UNC5B: variants seen among roughly 807,000 people sequenced by gnomAD.
The protein encoded by UNC5B is unc-5 netrin receptor B, also known as netrin receptor UNC5B.
Under a neutral mutation model 103.7 loss-of-function variants are expected in UNC5B, and 56 were observed. The ratio of observed to expected loss-of-function variants is 0.54; its 90% CI spans 0.44 to 0.67. The LOEUF (loss-of-function observed/expected upper bound fraction) is 0.67, where lower values mean the gene tolerates loss of function less well. UNC5B is among the 30% of genes least tolerant of loss of function. The pLI, the probability that UNC5B is intolerant of heterozygous loss-of-function variation, is 0.00. For missense variants in UNC5B, 1,194 were observed against 1,284.5 expected (o/e 0.93, Z 1.08); for synonymous variants, 577 against 542.0 (o/e 1.06, Z -0.90).
At chr10:71,286,365 A>C (rs773921585) in intron 4 of UNC5B, among the ~76,000 whole-genome samples, 1 of 152,192 alleles carries the variant, frequency 6.6e-6, no homozygotes, top group Non-Finnish European at 1.5e-5. Flanking sequence ...GTTTAACTCA[A>C]CTTCCTCTGA....
At position 71,213,207 on chromosome 10, in the gene UNC5B, C is replaced by T; in HGVS notation, c.79+143C>T. On this transcript the variant is annotated intron_variant, in intron 1 of 16. Coordinates refer to ENST00000335350, the MANE Select transcript of UNC5B (RefSeq NM_170744.5). The surrounding 1 kb of genome is among the most constrained non-coding windows in gnomAD (Gnocchi z 4.1). ...CCAAGTTAGAATGTAGATTTTACTG[C>T]CTCCCAAAGTGGGCAATGGCGCATC... 1 of 630,650 alleles carries T rather than the reference C, an allele frequency of 1.6e-6. No homozygotes were observed. Among genetic ancestry groups the T allele is most frequent in the Non-Finnish European group, 2.3e-6 (1 of 437,344 alleles). The allele number at this position is 630,650 out of a possible 1,614,324, so 39.1% of individuals were successfully genotyped here. A position where few individuals can be genotyped will look rare whatever the true frequency, so the allele number is the denominator to read the frequency against.
intron 3 of UNC5B, 104 bp downstream of exon 3, chr10:71,284,967 G>T: frequency 6.8e-7 from 1 of 1,475,210 alleles, no homozygotes; most frequent in Admixed American, 2.2e-5. Context: ...CAGCATCCCT[G>T]GCTGAGGATG....
intron 1 of UNC5B, among the ~76,000 whole-genome samples, chr10:71,226,098 T>C (rs760086320): frequency 5.5e-4 from 84 of 152,328 alleles, no homozygotes; most frequent in Non-Finnish European, 1.0e-3. Context: ...TTTTTGAGAC[T>C]GAGTCTTGCT....
At chr10:71,224,391 A>ACG (rs1843519230) in intron 1 of UNC5B, among the ~76,000 whole-genome samples, 1 of 151,938 alleles carries the variant, frequency 6.6e-6, no homozygotes, top group African/African-American at 2.4e-5. Context: ...ACACACACAC[A>ACG]CACACACACA....
chr10:71,225,262 A>G (rs1291884656), intron 1 of UNC5B, among the ~76,000 whole-genome samples: 1 of 107,364 alleles, frequency 9.3e-6, no homozygotes, highest in Non-Finnish European at 2.0e-5. Context: ...CTGTTCTCCA[A>G]ACCCACGGGG....
intron 1 of UNC5B, among the ~76,000 whole-genome samples, chr10:71,261,274 G>T (rs1191559887): frequency 6.6e-6 from 1 of 152,184 alleles, no homozygotes; most frequent in Non-Finnish European, 1.5e-5. Context: ...CACTTGATTG[G>T]TTGTGGCTGA....
chr10:71,293,483 C>G lies in UNC5B; in HGVS notation c.1851C>G (p.Pro617=). The G allele has an allele frequency of 6.2e-7, 1 of 1,614,102 alleles. No individual in the cohort carries two copies. Among genetic ancestry groups the G allele is most frequent in the Non-Finnish European group, 8.5e-7 (1 of 1,180,026 alleles). The change falls in exon 12 of 17, where the codon CCC becomes CCG. Residue 617 remains proline (P), a synonymous_variant. Coordinates refer to ENST00000335350, the MANE Select transcript of UNC5B (RefSeq NM_170744.5). ...CGPTGLLLCR[P]VILTMPHCAE... is the part of the protein sequence containing the mutation. ...CCACAGGCCTCCTGCTGTGCCGCCC[C>G]GTCATCCTCACCATGCCCCACTGTG...
intron 1 of UNC5B, among the ~76,000 whole-genome samples, chr10:71,256,411 C>A (rs1037425806): frequency 6.6e-6 from 1 of 152,240 alleles, no homozygotes; most frequent in Non-Finnish European, 1.5e-5. Context: ...CCTGCCTGGG[C>A]CCAGTGTACT....
chr10:71,291,766 C>G lies in UNC5B; in HGVS notation c.1629C>G (p.Ser543Arg). ...TGGGCCTGCCCCGAGACCCAGGGAG[C>G]AGCGTCAGCGGCACCTTTGGCTGCC... ...QLLGLPRDPG[S>R]SVSGTFGCLG... The change falls in exon 10 of 17, where the codon AGC (serine) becomes AGG (arginine). Residue 543 changes from serine to arginine, a missense_variant. By Grantham distance (110) the Ser-to-Arg change is moderately radical. Coordinates refer to ENST00000335350, the MANE Select transcript of UNC5B (RefSeq NM_170744.5). 1 of 1,608,518 alleles carries G rather than the reference C, an allele frequency of 6.2e-7. No individual in the cohort carries two copies. The highest frequency in any genetic ancestry group is 1.1e-5 in the South Asian group (1 of 91,014).
Position 71,291,796 on chromosome 10 carries a change from T to C in UNC5B, c.1659T>C (p.Gly553=). The change falls in exon 10 of 17, where the codon GGT becomes GGC. Residue 553 remains glycine, a synonymous_variant. Transcript: ENST00000335350. ...TCAGCGGCACCTTTGGCTGCCTGGGTGGGAGGCTCAGCATCCCCGGCACAG... is the reference window on the plus strand; with the variant it reads ...TCAGCGGCACCTTTGGCTGCCTGGGCGGGAGGCTCAGCATCCCCGGCACAG... ...SSVSGTFGCL[G]GRLSIPGTGV... 6.2e-7 allele frequency: 1 copy of C among 1,602,840 alleles called. No homozygotes were observed. The highest frequency in any genetic ancestry group is 8.5e-7 in the Non-Finnish European group (1 of 1,178,446).
chr10:71,221,722 T>A (rs372568150), intron 1 of UNC5B, among the ~76,000 whole-genome samples: 2 of 152,100 alleles, frequency 1.3e-5, no homozygotes, highest in East Asian at 3.9e-4. Flanking sequence ...TGAGCCAAGA[T>A]GTGTGTGTCT....
intron 1 of UNC5B, among the ~76,000 whole-genome samples, chr10:71,277,666 G>A (rs757443983): frequency 6.6e-6 from 1 of 152,216 alleles, no homozygotes; most frequent in African/African-American, 2.4e-5. Flanking sequence ...GCCCTAGGGG[G>A]CTACCAGTTT....
At chr10:71,226,296 A>G (rs781240898) in intron 1 of UNC5B, among the ~76,000 whole-genome samples, 1 of 152,190 alleles carries the variant, frequency 6.6e-6, no homozygotes, top group Non-Finnish European at 1.5e-5. Flanking sequence ...GCTGGTCTCA[A>G]ACTCCTGACC....
rs1843254010 is a variant in UNC5B, at chr10:71,212,819, CTCCGCGCAGCGTGGCT to C, written c.-161_-146del. 2 of 466,792 alleles carry C rather than the reference CTCCGCGCAGCGTGGCT, an allele frequency of 4.3e-6. No individual in the cohort carries two copies. The allele number at this position is 466,792 out of a possible 1,614,324, so 28.9% of individuals were successfully genotyped here. ...ACCGCGCTCCGAGTGCCAGGCGGCCCTCCGCGCAGCGTGGCTTCCGCTGCCCCCACGGAAGGCACGG... is the reference window on the plus strand; with the variant it reads ...ACCGCGCTCCGAGTGCCAGGCGGCCCTCCGCTGCCCCCACGGAAGGCACGG... On this transcript the variant is annotated 5_prime_UTR_variant, in exon 1 of 17. Coordinates refer to ENST00000335350, the MANE Select transcript of UNC5B (RefSeq NM_170744.5).
chr10:71,275,107 T>C (rs2132294236), intron 1 of UNC5B, among the ~76,000 whole-genome samples: 1 of 152,370 alleles, frequency 6.6e-6, no homozygotes, highest in Admixed American at 6.5e-5. Flanking sequence ...CGATCTTTCG[T>C]GTCCTTCATT....
chr10:71,254,757 A>T (rs866157219), intron 1 of UNC5B, among the ~76,000 whole-genome samples: 13 of 152,186 alleles, frequency 8.5e-5, no homozygotes, highest in African/African-American at 3.1e-4. Context: ...CCAGCTGTGC[A>T]CGTGGTGAGC....
At chr10:71,297,486 T>C (rs934608894) in intron 15 of UNC5B, among the ~76,000 whole-genome samples, 1 of 152,244 alleles carries the variant, frequency 6.6e-6, no homozygotes, top group African/African-American at 2.4e-5. Flanking sequence ...GATCCTCCTC[T>C]TGGGGCATTG....
At chr10:71,216,537 C>T (rs1416202827) in intron 1 of UNC5B, among the ~76,000 whole-genome samples, 1 of 152,218 alleles carries the variant, frequency 6.6e-6, no homozygotes, top group Non-Finnish European at 1.5e-5. Flanking sequence ...GCCAAGCTCC[C>T]TTGGGCTGCA....
intron 1 of UNC5B, among the ~76,000 whole-genome samples, chr10:71,256,993 G>T (rs71480572): frequency 0.023 from 3,544 of 152,288 alleles, 61 homozygotes; most frequent in Non-Finnish European, 0.038. Flanking sequence ...GACAGTCATG[G>T]TCAGGGATTA....
Sources: gnomAD v4.1 joint callset for allele counts (sites outside exome capture counted in the v4.1 genomes callset) on GRCh38, gnomAD v4.1.1 for gene constraint, Gnocchi (gnomAD v3.1) non-coding constraint, MANE v1.5 for transcripts, NCBI Gene and HGNC (gene_info 2026-07-23, HGNC 2026-07-21) for gene names.